The following PTPRN2 variants were observed in gnomAD, a reference collection of about 807,000 sequenced individuals.
PTPRN2 encodes the protein protein tyrosine phosphatase receptor type N2, also known as receptor-type tyrosine-protein phosphatase N2.
In PTPRN2, 74 loss-of-function variants were observed where a neutral mutation model predicts 118.8. The observed-to-expected ratio is 0.62, with a 90% CI of 0.52 to 0.76. PTPRN2 has a LOEUF of 0.76. Among genes scored for constraint, PTPRN2 ranks in the 30% least tolerant of loss-of-function variants. The pLI is 0.00. For missense variants in PTPRN2, 1,481 were observed against 1,394.4 expected (o/e 1.06, Z -0.99); for synonymous variants, 641 against 608.0 (o/e 1.05, Z -0.80).
intron 12 of PTPRN2, among the ~76,000 whole-genome samples, chr7:157,711,476 C>T (rs1019485975): frequency 6.6e-6 from 1 of 151,596 alleles, no homozygotes; most frequent in Non-Finnish European, 1.5e-5. Flanking sequence ...CACACGGGTC[C>T]TGTCTGTGCT....
At chr7:157,564,215 T>C (rs531018183) in intron 21 of PTPRN2, among the ~76,000 whole-genome samples, 1 of 152,324 alleles carries the variant, frequency 6.6e-6, no homozygotes, top group Non-Finnish European at 1.5e-5. Flanking sequence ...CACTGCAACC[T>C]CCGCCTCCCG....
At chr7:158,503,322 TG>T (rs1822508369) in intron 1 of PTPRN2, among the ~76,000 whole-genome samples, 1 of 152,276 alleles carries the variant, frequency 6.6e-6, no homozygotes, top group East Asian at 1.9e-4. Context: ...TGGACTCTAA[TG>T]TCACAATACC....
intron 1 of PTPRN2, among the ~76,000 whole-genome samples, chr7:158,527,313 G>A (rs1192639630): frequency 1.4e-5 from 2 of 147,560 alleles, no homozygotes; most frequent in Non-Finnish European, 3.0e-5. Context: ...CCCCGCCACC[G>A]GAGCCACTTC....
intron 6 of PTPRN2, among the ~76,000 whole-genome samples, chr7:158,149,848 C>G (rs942449037): frequency 1.4e-5 from 2 of 147,410 alleles, no homozygotes; most frequent in African/African-American, 2.5e-5. Context: ...CTTGAAAAAA[C>G]AAAAAAATTA....
chr7:158,166,477 T>C (rs112417415), intron 6 of PTPRN2, among the ~76,000 whole-genome samples: 6,666 of 117,332 alleles, frequency 0.057, 1,172 homozygotes, highest in African/African-American at 0.13. Flanking sequence ...GGCCACTGTG[T>C]TCACTGTCCT....
intron 6 of PTPRN2, among the ~76,000 whole-genome samples, chr7:158,162,642 A>ACTGCACGCCACCTGTTGTC (rs1822461524): frequency 6.6e-6 from 1 of 151,064 alleles, no homozygotes; most frequent in East Asian, 2.0e-4. Context: ...TTCACCGGCC[A>ACTGCACGCCACCTGTTGTC]CTGCACGTCA....
At chr7:158,523,531 G>GTCC (rs1473893760) in intron 1 of PTPRN2, among the ~76,000 whole-genome samples, 1 of 68,250 alleles carries the variant, frequency 1.5e-5, no homozygotes, top group African/African-American at 6.0e-5. Flanking sequence ...CTGGAGCAGA[G>GTCC]TCTGCCCTGG....
At chr7:158,203,096 G>A (rs1455591346) in intron 4 of PTPRN2, among the ~76,000 whole-genome samples, 1 of 151,902 alleles carries the variant, frequency 6.6e-6, no homozygotes, top group Non-Finnish European at 1.5e-5. Context: ...GCTGGGTATG[G>A]TGGCGCGCAC....
intron 11 of PTPRN2, among the ~76,000 whole-genome samples, chr7:158,017,687 C>T (rs73745083): frequency 6.4e-4 from 98 of 152,270 alleles, no homozygotes; most frequent in African/African-American, 2.3e-3. Flanking sequence ...AGCAGCAGCC[C>T]ACGTGGGGAC....
At position 158,093,769 on chromosome 7, in the gene PTPRN2, A is replaced by C. The variant is rs973642904; in HGVS notation, c.1644-12392T>G. On this transcript the variant is annotated intron_variant, in intron 10 of 22. Coordinates refer to ENST00000389418, the MANE Select transcript of PTPRN2 (RefSeq NM_002847.5). The surrounding 1 kb of genome is among the most constrained non-coding windows in gnomAD (Gnocchi z 4.4). ...AATTGTGTATTCCTGCCTCTCGTAC[A>C]TGAGGCAATAACTTCCCAAAATATC... Among the ~76,000 whole-genome samples, 6 of 152,186 alleles carry C rather than the reference A, an allele frequency of 3.9e-5. No individual in the cohort carries two copies. Among genetic ancestry groups the C allele is most frequent in the African/African-American group, 1.4e-4 (6 of 41,450 alleles).
intron 3 of PTPRN2, among the ~76,000 whole-genome samples, chr7:158,239,805 G>A (rs779578297): frequency 4.6e-5 from 7 of 152,230 alleles, no homozygotes; most frequent in Non-Finnish European, 8.8e-5. Flanking sequence ...AGAAAGCCAC[G>A]CTTCCTCCAC....
rs142828520 is a variant in PTPRN2 at position 158,026,122 on chromosome 7, G to A, written c.1723+55176C>T. Among the ~76,000 whole-genome samples, 485 of 152,352 alleles carry A rather than the reference G, an allele frequency of 3.2e-3. 5 individuals are homozygous for A. The highest frequency in any genetic ancestry group is 0.011 in the African/African-American group (468 of 41,572). On this transcript the variant is annotated intron_variant, in intron 11 of 22. Coordinates refer to ENST00000389418, the MANE Select transcript of PTPRN2 (RefSeq NM_002847.5). ...ATCGATTTAGATGGAAACCGGGGTCGGCGCGGAGGGAAGGAGCTCGGTGAG... is the reference window on the plus strand; with the variant it reads ...ATCGATTTAGATGGAAACCGGGGTCAGCGCGGAGGGAAGGAGCTCGGTGAG...
At chr7:158,259,652 A>G (rs1563050194) in intron 3 of PTPRN2, among the ~76,000 whole-genome samples, 2 of 152,324 alleles carry the variant, frequency 1.3e-5, no homozygotes, top group East Asian at 1.9e-4. Flanking sequence ...GGCTGTGTCC[A>G]TGTGTCCCTG....
Position 157,629,236 on chromosome 7 carries a change from G to A in PTPRN2, c.2197-7727C>T, listed in dbSNP as rs1803790668. ...TGATTCACCTGTTCCTGCAGACCCT[G>A]CTGCCAAAGACACCGCAGAACCCAT... is the stretch of plus-strand genomic sequence containing the variant. On this transcript the variant is annotated intron_variant, in intron 14 of 22. Coordinates refer to ENST00000389418, the MANE Select transcript of PTPRN2 (RefSeq NM_002847.5). This position sits in a 1 kb window ranked among gnomAD's most constrained non-coding sequence, Gnocchi z 4.4. 6.6e-6 allele frequency among the ~76,000 whole-genome samples: 1 copy of A among 152,068 alleles called. No homozygotes were observed. Among genetic ancestry groups the A allele is most frequent in the African/African-American group, 2.4e-5 (1 of 41,382 alleles).
chr7:157,945,707 A>C (rs1046060380), intron 11 of PTPRN2, among the ~76,000 whole-genome samples: 1 of 150,752 alleles, frequency 6.6e-6, no homozygotes, highest in African/African-American at 2.4e-5. Flanking sequence ...TGTCACCTCC[A>C]ACTTGGATGA....
chr7:158,366,962 G>C (rs575492840), intron 2 of PTPRN2, among the ~76,000 whole-genome samples: 2 of 152,306 alleles, frequency 1.3e-5, no homozygotes, highest in South Asian at 4.1e-4. Context: ...GTCTGTGCTG[G>C]GCAGTGCCGC....
chr7:158,249,210 C>T, intron 3 of PTPRN2, among the ~76,000 whole-genome samples: 1 of 152,064 alleles, frequency 6.6e-6, no homozygotes. Flanking sequence ...ACATGCACAC[C>T]ATACATAAAT....
intron 11 of PTPRN2, among the ~76,000 whole-genome samples, chr7:158,070,307 C>CGTGGTGGTGGAGGTG (rs1563386115): frequency 9.2e-5 from 13 of 140,712 alleles, no homozygotes; most frequent in East Asian, 8.3e-4. Context: ...TGGAGGTGCT[C>CGTGGTGGTGGAGGTG]CTGGTGGTGG....
intron 6 of PTPRN2, among the ~76,000 whole-genome samples, chr7:158,147,518 C>T (rs79956619): frequency 3.8e-5 from 5 of 130,828 alleles, no homozygotes; most frequent in African/African-American, 1.6e-4. Context: ...AGGTCTTTCC[C>T]CCTCACTGAC....
Sources: gnomAD v4.1 joint callset for allele counts (sites outside exome capture counted in the v4.1 genomes callset) on GRCh38, gnomAD v4.1.1 for gene constraint, Gnocchi (gnomAD v3.1) non-coding constraint, MANE v1.5 for transcripts, NCBI Gene and HGNC (gene_info 2026-07-23, HGNC 2026-07-21) for gene names.